The following MED24 variants were observed in gnomAD, a reference collection of about 807,000 sequenced individuals.
MED24 encodes mediator of RNA polymerase II transcription subunit 24.
In MED24, 74 loss-of-function variants were observed where a neutral mutation model predicts 118.8. That is an observed-to-expected ratio of 0.62 (90% CI 0.52 to 0.76). The LOEUF (loss-of-function observed/expected upper bound fraction) is 0.76. Among genes scored for constraint, MED24 ranks in the 30% least tolerant of loss-of-function variants. MED24 has a pLI of 0.00. For missense variants in MED24, 1,041 were observed against 1,278.9 expected, an observed-to-expected ratio of 0.81 and a Z score of 2.84; for synonymous variants, 521 against 523.9, an observed-to-expected ratio of 0.99 and a Z score of 0.08.
In MED24 at chr17:40,022,715, G is replaced by C. The variant is rs1982181198; in HGVS notation, c.2362C>G (p.Leu788Val). 1 of 1,613,928 alleles carries C rather than the reference G, an allele frequency of 6.2e-7. No individual in the cohort carries two copies. The highest frequency in any genetic ancestry group is 1.7e-5 in the Admixed American group (1 of 60,018). Residue 788 changes from leucine to valine, a missense_variant, in exon 21 of 26, where the codon CTA becomes GTA. Coordinates refer to ENST00000394128, the MANE Select transcript of MED24 (RefSeq NM_014815.4). ...QVTLVLLGHILPGLLTDSSKW... is the reference protein window; with the variant it reads ...QVTLVLLGHIVPGLLTDSSKW... ...GAGGAGTCAGTGAGCAGGCCAGGTA[G>C]GATGTGGCCCAGCAGGACCAGGGTC...
At chr17:40,051,067 C>A (rs1171221562) in intron 3 of MED24, among the ~76,000 whole-genome samples, 1 of 143,670 alleles carries the variant, frequency 7.0e-6, no homozygotes. Context: ...ACCTGGGAGG[C>A]AGAGGTTGCG....
chr17:40,022,921 C>A (rs943100344), intron 20 of MED24, 95 bp from the exon 21 acceptor site: 4 of 1,457,756 alleles, frequency 2.7e-6, no homozygotes, highest in South Asian at 1.3e-5. Flanking sequence ...CAGTAAGGCC[C>A]GCAGAGGGGG....
intron 14 of MED24, 59 bp from the exon 15 acceptor site, chr17:40,028,005 G>T: frequency 6.5e-7 from 1 of 1,550,214 alleles, no homozygotes; most frequent in Non-Finnish European, 8.9e-7. Context: ...GTAGCTGGGC[G>T]CTGGGGCTAC....
chr17:40,023,041 G>T, intron 20 of MED24, 90 bp downstream of exon 20: 1 of 1,515,090 alleles, frequency 6.6e-7, no homozygotes, highest in South Asian at 1.3e-5. Context: ...GCTCACGGCA[G>T]CCTCTCAGGG....
chr17:40,027,354 C>T (rs759779074), intron 16 of MED24, 29 bp downstream of exon 16: 5 of 1,601,124 alleles, frequency 3.1e-6, no homozygotes, highest in Admixed American at 1.7e-5. Context: ...TTCCCTTGAG[C>T]CCCCGTCCCG....
chr17:40,026,962 C>T lies in MED24; in HGVS notation c.1603G>A (p.Glu535Lys), dbSNP rs1223835901. The change falls in exon 17 of 26, where the codon GAG becomes AAG. Residue 535 changes from glutamate (E) to lysine (K), a missense_variant. Physicochemically the swap from Glu to Lys is moderately conservative, Grantham distance 56. Transcript: ENST00000394128. ...FETWMQTCMP[E>K]EGKILNPDHP... The stretch of plus-strand genomic sequence containing the variant: ...TCAGGGTTCAGGATCTTGCCCTCCT[C>T]AGGCATGCAGGTCTGCATCCAGGTC... The T allele has an allele frequency of 6.2e-7, 1 of 1,614,134 alleles. No homozygotes were observed.
At chr17:40,042,603 CAGG>C (rs1984672897) in intron 3 of MED24, among the ~76,000 whole-genome samples, 1 of 151,956 alleles carries the variant, frequency 6.6e-6, no homozygotes, top group East Asian at 1.9e-4. Flanking sequence ...TGCTTGAACC[CAGG>C]AGGAGGAGGT....
chr17:40,033,660 A>G lies in MED24; in HGVS notation c.560-204T>C, dbSNP rs754511469. The G allele has an allele frequency of 1.5e-6, 1 of 687,612 alleles. No individual in the cohort carries two copies. The highest frequency in any genetic ancestry group is 1.5e-5 in the South Asian group (1 of 66,590). 42.6% of individuals were successfully genotyped at this position (687,612 alleles called of 1,614,324 possible). On this transcript the variant is annotated intron_variant, in intron 6 of 25. Transcript: ENST00000394128. This position sits in a 1 kb window ranked among gnomAD's most constrained non-coding sequence, Gnocchi z 5.2. ...GTGGGCACCTAGAGCTGGAAACCCC[A>G]GAGACCATTCCCAAAAGCCTGATTT... is the stretch of plus-strand genomic sequence containing the variant.
intron 19 of MED24, among the ~76,000 whole-genome samples, chr17:40,025,818 G>A (rs1035866510): frequency 6.6e-6 from 1 of 152,188 alleles, no homozygotes; most frequent in Non-Finnish European, 1.5e-5. Flanking sequence ...GGTGGGGCAT[G>A]GCCTGTAAAA....
At chr17:40,046,985 G>A (rs890440375) in intron 3 of MED24, among the ~76,000 whole-genome samples, 6 of 152,072 alleles carry the variant, frequency 3.9e-5, no homozygotes, top group Non-Finnish European at 7.3e-5. Flanking sequence ...GTGCATGACT[G>A]TAGTCCCAAC....
At chr17:40,046,652 A>T (rs1390404646) in intron 3 of MED24, among the ~76,000 whole-genome samples, 2 of 150,424 alleles carry the variant, frequency 1.3e-5, no homozygotes, top group East Asian at 4.0e-4. Context: ...AGGCTGAGGC[A>T]GGAGAATGGC....
At chr17:40,037,214 G>GGAAGGAAGGAA (rs1568168407) in intron 3 of MED24, among the ~76,000 whole-genome samples, 11 of 142,726 alleles carry the variant, frequency 7.7e-5, no homozygotes, top group African/African-American at 3.3e-4. Flanking sequence ...GAGAGAAAGA[G>GGAAGGAAGGAA]GGAAGGAAGG....
intron 15 of MED24, chr17:40,027,701 G>T: frequency 1.5e-6 from 1 of 677,536 alleles, no homozygotes; most frequent in Non-Finnish European, 2.5e-6. Context: ...GGGATGAGGG[G>T]GGGAAGGAGA....
chr17:40,041,734 G>A (rs1984586593), intron 3 of MED24, among the ~76,000 whole-genome samples: 1 of 152,062 alleles, frequency 6.6e-6, no homozygotes. Context: ...CTCTCACTCT[G>A]CTCGTCCCAT....
intron 23 of MED24, among the ~76,000 whole-genome samples, chr17:40,021,640 T>C (rs1166756105): frequency 6.6e-6 from 1 of 152,156 alleles, no homozygotes; most frequent in East Asian, 1.9e-4. Flanking sequence ...CCTGAGGCAG[T>C]GAACTCACTC....
intron 11 of MED24, 86 bp from the exon 12 acceptor site, chr17:40,031,331 C>T: frequency 7.3e-7 from 1 of 1,369,808 alleles, no homozygotes; most frequent in South Asian, 1.2e-5. Flanking sequence ...GCAGCATCCT[C>T]CCTCTTTCAG....
intron 6 of MED24, 116 bp downstream of exon 6, chr17:40,035,001 A>G: frequency 6.2e-7 from 1 of 1,612,860 alleles, no homozygotes; most frequent in South Asian, 1.1e-5. Context: ...AGGAAGTGGG[A>G]TGGTTTCAGA....
At chr17:40,043,649 GA>G (rs1184799227) in intron 3 of MED24, among the ~76,000 whole-genome samples, 1 of 152,010 alleles carries the variant, frequency 6.6e-6, no homozygotes, top group East Asian at 1.9e-4. Flanking sequence ...AGCACTTTGG[GA>G]GGCCGAGGCG....
At position 40,032,105 on chromosome 17, in the gene MED24, A is replaced by AG. The variant is rs759224611; in HGVS notation, c.937-16dup. On this transcript the variant is annotated splice_polypyrimidine_tract_variant and intron_variant, in intron 9 of 25. Coordinates refer to ENST00000394128, the MANE Select transcript of MED24 (RefSeq NM_014815.4). The stretch of plus-strand genomic sequence containing the variant: ...ACCTGTGGAATCTAGGGGGTGAGGC[A>AG]GGGGGAAAAACAGGAAGATCCATTT... 3.7e-6 allele frequency: 6 copies of AG among 1,613,312 alleles called. No homozygotes were observed. The South Asian group carries it at 6.6e-5, about 18-fold the overall frequency.
Sources: allele counts gnomAD v4.1 joint callset (sites outside exome capture counted in the v4.1 genomes callset), GRCh38; gene constraint gnomAD v4.1.1; non-coding constraint Gnocchi (gnomAD v3.1); transcripts MANE v1.5; gene names NCBI Gene and HGNC (gene_info 2026-07-23, HGNC 2026-07-21).